CYP39A1: variants seen among roughly 807,000 people sequenced by gnomAD.
CYP39A1 encodes the protein 24-hydroxycholesterol 7-alpha-hydroxylase.
Under a neutral mutation model 58.1 loss-of-function variants are expected in CYP39A1, and 49 were observed. The ratio of observed to expected loss-of-function variants is 0.84; its 90% confidence interval spans 0.67 to 1.07. The LOEUF is 1.07. Among genes scored for constraint, CYP39A1 ranks in the 50% least tolerant of loss-of-function variants. The probability of loss-of-function intolerance (pLI) is 0.00; values close to 1 mark genes in which losing one functional copy is unlikely to be tolerated. For synonymous variants in CYP39A1, 209 were observed against 187.6 expected, an observed-to-expected ratio of 1.11 and a Z score of -0.93; for missense variants, 531 against 539.4, an observed-to-expected ratio of 0.98 and a Z score of 0.16.
At chr6:46,630,303 T>C (rs564918600) in intron 6 of CYP39A1, among the ~76,000 whole-genome samples, 1 of 152,230 alleles carries the variant, frequency 6.6e-6, no homozygotes, top group South Asian at 2.1e-4. Flanking sequence ...AAAGAGCTAA[T>C]ATTCATTGAT....
intron 10 of CYP39A1, among the ~76,000 whole-genome samples, chr6:46,563,115 C>CA (rs59793245): frequency 0.049 from 6,140 of 124,564 alleles, 275 homozygotes; most frequent in African/African-American, 0.13. Context: ...TTTACAGTGG[C>CA]AAAAAAAAAA....
chr6:46,603,553 A>G (rs907797540), intron 7 of CYP39A1, among the ~76,000 whole-genome samples: 2 of 152,092 alleles, frequency 1.3e-5, no homozygotes, highest in African/African-American at 4.8e-5. Flanking sequence ...TCCTTTGAAC[A>G]TGGAAGTCCC....
chr6:46,558,410 G>A (rs369746787), intron 10 of CYP39A1, among the ~76,000 whole-genome samples: 1 of 152,064 alleles, frequency 6.6e-6, no homozygotes, highest in Admixed American at 6.6e-5. Flanking sequence ...AGCAAAGGGG[G>A]AAGTGCCACA....
At chr6:46,625,322 T>A in intron 7 of CYP39A1, 96 bp downstream of exon 7, 1 of 853,884 alleles carries the variant, frequency 1.2e-6, no homozygotes, top group Non-Finnish European at 1.8e-6. Flanking sequence ...TGGATTATGT[T>A]GAATTTTTAT....
chr6:46,620,131 A>G (rs961059769), intron 7 of CYP39A1, among the ~76,000 whole-genome samples: 1 of 152,132 alleles, frequency 6.6e-6, no homozygotes, highest in African/African-American at 2.4e-5. Context: ...CTTGATAAGA[A>G]CATCAAGCTT....
intron 1 of CYP39A1, among the ~76,000 whole-genome samples, chr6:46,647,638 C>A (rs1762407033): frequency 6.6e-6 from 1 of 152,172 alleles, no homozygotes; most frequent in Non-Finnish European, 1.5e-5. Flanking sequence ...TTCCAACAAT[C>A]TACTTAAACT....
rs1263941297 is a variant in CYP39A1 at position 46,616,222 on chromosome 6, C to T, written c.931+9196G>A. 4.1e-4 allele frequency among the ~76,000 whole-genome samples: 11 copies of T among 26,854 alleles called. 3 individuals carry two copies. Among genetic ancestry groups the T allele is most frequent in the African/African-American group, 1.8e-3 (10 of 5,602 alleles). The allele number at this position is 26,854 out of a possible 152,430, so 17.6% of individuals were successfully genotyped here. A position where few individuals can be genotyped will look rare whatever the true frequency, so the allele number is the denominator to read the frequency against. ...TCCCTCCCTCCCTCCCTCCCTCCCT[C>T]CCTCCCTCCCTCCCTCCCTCCCTTC... On this transcript the variant is annotated intron_variant, in intron 7 of 11. Coordinates refer to ENST00000275016, the MANE Select transcript of CYP39A1 (RefSeq NM_016593.5).
rs774272724 is a variant in CYP39A1, at chr6:46,642,188, T to C, written c.288A>G (p.Ala96=). 9 of 1,612,808 alleles carry C rather than the reference T, an allele frequency of 5.6e-6. No individual in the cohort carries two copies. In the African/African-American group the frequency reaches 1.1e-4, roughly 19 times the overall value. The change falls in exon 2 of 12, where the codon GCA becomes GCG. Residue 96 remains alanine, a synonymous_variant. Transcript: ENST00000275016. ...LKSKKVDFEL[A]VQNIVYRTAS... is the part of the protein sequence containing the mutation. Reference sequence around the variant, plus strand: ...CTGTACGATAAACGATATTTTGCACTGCTAGTTCAAAATCTACTTTTTTGG... The same window carrying C: ...CTGTACGATAAACGATATTTTGCACCGCTAGTTCAAAATCTACTTTTTTGG...
rs80219515 is a variant in CYP39A1, at chr6:46,622,490, G to A, written c.931+2928C>T. ...AAGCCCAATATGCTGGCACACACTT[G>A]TGGTCCTAGCTACTCAGGAGGCTGT... On this transcript the variant is annotated intron_variant, in intron 7 of 11. Transcript: ENST00000275016. 4.4e-3 allele frequency among the ~76,000 whole-genome samples: 668 copies of A among 152,100 alleles called. 5 individuals carry two copies. Among genetic ancestry groups the A allele is most frequent in the African/African-American group, 0.015 (628 of 41,486 alleles).
chr6:46,583,245 G>A (rs1772249618), intron 10 of CYP39A1: 1 of 985,368 alleles, frequency 1.0e-6, no homozygotes, highest in Non-Finnish European at 1.2e-6. Context: ...GATCAGGGCT[G>A]TTGTTTTACA....
intron 4 of CYP39A1, 48 bp downstream of exon 4, chr6:46,637,781 G>C (rs764347113): frequency 1.3e-6 from 2 of 1,581,834 alleles, no homozygotes; most frequent in Non-Finnish European, 8.6e-7. Context: ...GTGTTGAATT[G>C]CTGAGATAAG....
rs564367709 is a variant in CYP39A1, at chr6:46,557,081, C to T, written c.1251-3227G>A. 2.0e-5 allele frequency among the ~76,000 whole-genome samples: 3 copies of T among 151,854 alleles called. No homozygotes were observed. The South Asian group carries it at 6.3e-4, about 32-fold the overall frequency. On this transcript the variant is annotated intron_variant, in intron 10 of 11. Coordinates refer to ENST00000275016, the MANE Select transcript of CYP39A1 (RefSeq NM_016593.5). ...TGAAAAATAAACTGGATGGGATTAA[C>T]AGATGGTAAAATGCTGCCAAAGAAA... is the stretch of plus-strand genomic sequence containing the variant.
At chr6:46,588,399 G>A (rs1230622224) in intron 8 of CYP39A1, among the ~76,000 whole-genome samples, 1 of 151,704 alleles carries the variant, frequency 6.6e-6, no homozygotes, top group African/African-American at 2.4e-5. Context: ...TGATTCACAT[G>A]TACATATATT....
At chr6:46,621,482 T>C (rs1321362876) in intron 7 of CYP39A1, among the ~76,000 whole-genome samples, 2 of 152,170 alleles carry the variant, frequency 1.3e-5, no homozygotes, top group Non-Finnish European at 2.9e-5. Flanking sequence ...ATGAAATATT[T>C]GGTTTTCCAG....
intron 1 of CYP39A1, among the ~76,000 whole-genome samples, chr6:46,648,447 G>C (rs867271623): frequency 2.8e-5 from 4 of 145,102 alleles, no homozygotes; most frequent in Middle Eastern, 3.7e-3. Flanking sequence ...TCACTCATAG[G>C]CGGGAATTGA....
chr6:46,591,560 A>C (rs1347286219), intron 8 of CYP39A1, among the ~76,000 whole-genome samples: 1 of 152,064 alleles, frequency 6.6e-6, no homozygotes, highest in Non-Finnish European at 1.5e-5. Context: ...TGTTATTTTA[A>C]ATGAATCACC....
intron 7 of CYP39A1, among the ~76,000 whole-genome samples, chr6:46,624,638 C>A (rs1156542914): frequency 1.3e-5 from 2 of 151,924 alleles, no homozygotes; most frequent in Non-Finnish European, 2.9e-5. Flanking sequence ...GGCATCATAC[C>A]TTTTGCCCTA....
At chr6:46,649,727 G>A (rs762241084) in intron 1 of CYP39A1, among the ~76,000 whole-genome samples, 3 of 152,200 alleles carry the variant, frequency 2.0e-5, no homozygotes, top group African/African-American at 4.8e-5. Context: ...AAGGTTGGGA[G>A]TGAGGAGTGA....
chr6:46,582,962 C>T (rs1016727905), intron 10 of CYP39A1: 1 of 586,426 alleles, frequency 1.7e-6, no homozygotes, highest in African/African-American at 2.0e-5. Flanking sequence ...AAAAACAGTA[C>T]TACTAAATTA....
Sources: allele counts gnomAD v4.1 joint callset (sites outside exome capture counted in the v4.1 genomes callset), GRCh38; gene constraint gnomAD v4.1.1; transcripts MANE v1.5; gene names NCBI Gene and HGNC (gene_info 2026-07-23, HGNC 2026-07-21).